PCDHA7: variants seen among roughly 807,000 people sequenced by gnomAD.
The protein encoded by PCDHA7 is protocadherin alpha 7, also known as protocadherin alpha-7.
Under a neutral mutation model 57.2 loss-of-function variants are expected in PCDHA7, and 37 were observed. That is an observed-to-expected ratio of 0.65 (90% CI 0.50 to 0.85). PCDHA7 has a LOEUF of 0.85. PCDHA7 is among the 40% of genes least tolerant of loss of function. PCDHA7 has a pLI of 0.00. For missense variants in PCDHA7, 1,188 were observed against 1,241.8 expected (o/e 0.96, Z 0.65); for synonymous variants, 553 against 558.8 (o/e 0.99, Z 0.15).
At chr5:141,005,529 C>A (rs1387576846) in intron 3 of PCDHA7, among the ~76,000 whole-genome samples, 2 of 151,154 alleles carry the variant, frequency 1.3e-5, no homozygotes, top group Non-Finnish European at 2.9e-5. Context: ...CGGTGAAACC[C>A]CGTCTCTACT....
chr5:140,909,516 C>G (rs1213307040), intron 1 of PCDHA7, among the ~76,000 whole-genome samples: 1 of 152,152 alleles, frequency 6.6e-6, no homozygotes, highest in Non-Finnish European at 1.5e-5. Context: ...GAATCACAAC[C>G]CCTGCACATT....
chr5:140,891,876 G>C (rs781983742), intron 1 of PCDHA7, among the ~76,000 whole-genome samples: 9 of 152,186 alleles, frequency 5.9e-5, no homozygotes, highest in Non-Finnish European at 1.2e-4. Context: ...TTTTGGCTCT[G>C]TCATGTGACG....
chr5:140,853,458 T>C (rs17119248), intron 1 of PCDHA7: 56,285 of 974,400 alleles, frequency 0.058, 6,090 homozygotes, highest in Middle Eastern at 0.078. Context: ...GGTCTCCTTA[T>C]ATGCATCTGT....
chr5:140,841,080 C>T, intron 1 of PCDHA7: 1 of 535,424 alleles, frequency 1.9e-6, no homozygotes, highest in Non-Finnish European at 3.2e-6. Flanking sequence ...ATAGAAAGTG[C>T]ATAGAAGAAC....
intron 1 of PCDHA7, chr5:140,870,819 G>T: frequency 3.1e-6 from 5 of 1,613,714 alleles, no homozygotes; most frequent in Non-Finnish European, 4.2e-6. Context: ...CTGGCAGCGC[G>T]GGAGGCGCAG....
At chr5:140,969,933 C>T (rs2096370749) in intron 1 of PCDHA7, among the ~76,000 whole-genome samples, 1 of 152,192 alleles carries the variant, frequency 6.6e-6, no homozygotes, top group South Asian at 2.1e-4. Context: ...ATTTAGACAT[C>T]ATACTGAAGC....
intron 1 of PCDHA7, chr5:140,967,103 C>T: frequency 6.2e-7 from 1 of 1,613,024 alleles, no homozygotes; most frequent in Non-Finnish European, 8.5e-7. Context: ...GCTGTGTGAG[C>T]AGCGGCCTCG....
At position 140,848,366 on chromosome 5, in the gene PCDHA7, G is replaced by A. The variant is rs2150409597; in HGVS notation, c.2355+11628G>A. ...TACAGCCCTTTTCCCATGGGAAAGA[G>A]GCTCAATTCTTTTTCACTCTCTCTG... On this transcript the variant is annotated intron_variant, in intron 1 of 3. Transcript: ENST00000525929. 4.6e-5 allele frequency: 50 copies of A among 1,096,168 alleles called. 2 individuals are homozygous for A. The highest frequency in any genetic ancestry group is 2.3e-5 in the Admixed American group (1 of 42,774). The allele number at this position is 1,096,168 out of a possible 1,614,324, so 67.9% of individuals were successfully genotyped here.
At chr5:140,942,949 G>A (rs1183072564) in intron 1 of PCDHA7, among the ~76,000 whole-genome samples, 10 of 151,942 alleles carry the variant, frequency 6.6e-5, no homozygotes, top group Admixed American at 1.3e-4. Flanking sequence ...AAGTGTAGAC[G>A]TTCTGTTATC....
intron 3 of PCDHA7, among the ~76,000 whole-genome samples, chr5:140,990,798 A>G (rs1554251753): frequency 6.6e-6 from 1 of 152,208 alleles, no homozygotes; most frequent in Admixed American, 6.5e-5. Context: ...ACCATGGAAT[A>G]CAGAAGAAGC....
In PCDHA7 at chr5:140,842,752, G is replaced by A; in HGVS notation, c.2355+6014G>A. The A allele has an allele frequency of 8.2e-6, 13 of 1,595,020 alleles. 2 individuals are homozygous for A. The highest frequency in any genetic ancestry group is 1.1e-5 in the Non-Finnish European group (13 of 1,165,472). ...CGCCGGGCTGCCACATCTTCACGGT[G>A]TCTGCGCGAGACGCGGACGCGCAGG... On this transcript the variant is annotated intron_variant, in intron 1 of 3. Transcript: ENST00000525929.
intron 1 of PCDHA7, among the ~76,000 whole-genome samples, chr5:140,901,267 T>G (rs2153472974): frequency 6.6e-6 from 1 of 152,344 alleles, no homozygotes; most frequent in East Asian, 1.9e-4. Context: ...TTGTGGGGTA[T>G]TACTCAAGAA....
intron 1 of PCDHA7, chr5:140,884,465 G>C (rs782791774): frequency 1.2e-6 from 2 of 1,613,634 alleles, no homozygotes; most frequent in Admixed American, 3.3e-5. Context: ...GGGCGCGTGC[G>C]CGCCGGGCAA....
At chr5:140,981,019 T>A (rs1396794400) in intron 2 of PCDHA7, among the ~76,000 whole-genome samples, 1 of 152,242 alleles carries the variant, frequency 6.6e-6, no homozygotes, top group East Asian at 1.9e-4. Context: ...ACTTGAAGGC[T>A]GTTAATATTT....
At chr5:140,994,081 G>A (rs147535219) in intron 3 of PCDHA7, among the ~76,000 whole-genome samples, 2 of 152,260 alleles carry the variant, frequency 1.3e-5, no homozygotes, top group Admixed American at 6.5e-5. Flanking sequence ...AGGGAGAAAT[G>A]TAAAGAAATA....
intron 1 of PCDHA7, chr5:140,856,192 G>A (rs782508103): frequency 1.9e-6 from 3 of 1,598,180 alleles, no homozygotes; most frequent in Non-Finnish European, 1.7e-6. Context: ...GCCGCATCGC[G>A]CAGGACCTGG....
rs2150476590 is a variant in PCDHA7, at chr5:140,850,267, T to G, written c.2355+13529T>G. The G allele has an allele frequency of 4.4e-6, 7 of 1,592,494 alleles. 2 individuals carry two copies. Among genetic ancestry groups the G allele is most frequent in the Non-Finnish European group, 6.0e-6 (7 of 1,166,766 alleles). On this transcript the variant is annotated intron_variant, in intron 1 of 3. Coordinates refer to ENST00000525929, the MANE Select transcript of PCDHA7 (RefSeq NM_018910.3). ...CGGTCGGTGGGCGCCGGCGTAGTGG[T>G]GGGGAAGGTGCGCGCAGTGGACGCC...
intron 1 of PCDHA7, among the ~76,000 whole-genome samples, chr5:140,903,731 T>C (rs1554191096): frequency 6.6e-6 from 1 of 152,238 alleles, no homozygotes; most frequent in South Asian, 2.1e-4. Context: ...CTATTATCAA[T>C]TATTACAGAA....
intron 3 of PCDHA7, among the ~76,000 whole-genome samples, chr5:140,988,674 T>C (rs1221039125): frequency 1.3e-5 from 2 of 152,240 alleles, no homozygotes; most frequent in Non-Finnish European, 2.9e-5. Context: ...GACTCTAAGA[T>C]AATTCTTTCC....
Sources: gnomAD v4.1 joint callset for allele counts (sites outside exome capture counted in the v4.1 genomes callset) on GRCh38, gnomAD v4.1.1 for gene constraint, MANE v1.5 for transcripts, NCBI Gene and HGNC (gene_info 2026-07-23, HGNC 2026-07-21) for gene names.